The following CACNA2D1 variants were observed in gnomAD, a reference collection of about 807,000 sequenced individuals.
CACNA2D1 encodes the protein voltage-dependent calcium channel subunit alpha-2/delta-1.
A neutral mutation model predicts 171.5 loss-of-function variants in CACNA2D1; 53 were observed. The ratio of observed to expected loss-of-function variants is 0.31; its 90% CI spans 0.25 to 0.39. The LOEUF is 0.39. Ranked by LOEUF, CACNA2D1 falls within the 10% of genes least tolerant of loss-of-function variation. The pLI is 1.00. For missense variants in CACNA2D1, 903 were observed against 1,299.8 expected (o/e 0.69, Z 4.69); for synonymous variants, 442 against 443.1 (o/e 1.00, Z 0.03).
At chr7:82,117,010 G>T in intron 6 of CACNA2D1, 34 bp downstream of exon 6, 1 of 1,610,144 alleles carries the variant, frequency 6.2e-7, no homozygotes, top group Non-Finnish European at 8.5e-7. Context: ...CGAGAGCATG[G>T]TATTCCAACA....
chr7:81,960,346 G>C (rs1793958033), intron 36 of CACNA2D1, among the ~76,000 whole-genome samples: 1 of 151,948 alleles, frequency 6.6e-6, no homozygotes, highest in Non-Finnish European at 1.5e-5. Context: ...AGGGTATTGG[G>C]CACTTAAAAT....
At chr7:82,278,025 G>T (rs866599801) in intron 3 of CACNA2D1, among the ~76,000 whole-genome samples, 2 of 152,004 alleles carry the variant, frequency 1.3e-5, no homozygotes, top group Admixed American at 6.6e-5. Context: ...AGGAGTACAG[G>T]TGTGAGTCAC....
intron 4 of CACNA2D1, 133 bp downstream of exon 4, chr7:82,170,417 G>A: frequency 1.2e-6 from 1 of 823,166 alleles, no homozygotes; most frequent in Non-Finnish European, 2.0e-6. Flanking sequence ...TATTTAAAAA[G>A]CAACAAGTAT....
At chr7:82,029,502 T>C (rs568039049) in intron 12 of CACNA2D1, 2 of 151,934 alleles carry the variant, frequency 1.3e-5, no homozygotes, top group African/African-American at 4.8e-5. Flanking sequence ...AACTGTCTTA[T>C]TCTTCTCTTT....
chr7:82,131,380 A>G (rs564707824), intron 5 of CACNA2D1, among the ~76,000 whole-genome samples: 1 of 152,302 alleles, frequency 6.6e-6, no homozygotes, highest in African/African-American at 2.4e-5. Context: ...ATGTCCAGCT[A>G]TAACCAATCA....
At chr7:82,023,276 G>A (rs917546821) in intron 12 of CACNA2D1, among the ~76,000 whole-genome samples, 2 of 151,904 alleles carry the variant, frequency 1.3e-5, no homozygotes, top group Non-Finnish European at 2.9e-5. Context: ...GCTGTGTGAG[G>A]AGATTAACAT....
chr7:81,962,637 T>C, intron 34 of CACNA2D1, 142 bp from the exon 35 acceptor site: 1 of 654,882 alleles, frequency 1.5e-6, no homozygotes. Flanking sequence ...TTTTCAAAAT[T>C]ATATAACACA....
chr7:82,139,579 T>C (rs990578077), intron 4 of CACNA2D1, among the ~76,000 whole-genome samples: 20 of 152,284 alleles, frequency 1.3e-4, no homozygotes, highest in South Asian at 1.0e-3. Context: ...AAAACTGTCA[T>C]TGAAAAGGTG....
intron 1 of CACNA2D1, chr7:82,410,359 C>A: frequency 4.5e-6 from 1 of 221,442 alleles, no homozygotes; most frequent in Middle Eastern, 2.5e-3. Flanking sequence ...ATGAATCAAT[C>A]CATCATAGCG....
At chr7:82,393,279 A>G (rs1351115945) in intron 1 of CACNA2D1, among the ~76,000 whole-genome samples, 2 of 152,200 alleles carry the variant, frequency 1.3e-5, no homozygotes, top group Non-Finnish European at 2.9e-5. Flanking sequence ...AATGAATTTC[A>G]TCTTGCAATA....
At chr7:82,226,806 G>A (rs1385078035) in intron 3 of CACNA2D1, among the ~76,000 whole-genome samples, 1 of 152,036 alleles carries the variant, frequency 6.6e-6, no homozygotes, top group East Asian at 1.9e-4. Flanking sequence ...TTATATTTCT[G>A]TACTTTATTA....
At chr7:82,226,955 A>G (rs956819402) in intron 3 of CACNA2D1, among the ~76,000 whole-genome samples, 6 of 152,196 alleles carry the variant, frequency 3.9e-5, no homozygotes, top group African/African-American at 1.4e-4. Context: ...AAATATTAGA[A>G]TTCCTATTTG....
At chr7:82,146,380 T>TTATATTTATATATATAAAGATA (rs1337781786) in intron 4 of CACNA2D1, among the ~76,000 whole-genome samples, 6 of 131,140 alleles carry the variant, frequency 4.6e-5, no homozygotes, top group East Asian at 2.0e-4. Flanking sequence ...ATATACATAT[T>TTATATTTATATATATAAAGATA]TATATTTATA....
intron 10 of CACNA2D1, among the ~76,000 whole-genome samples, chr7:82,059,472 TGAG>T (rs1806337673): frequency 6.6e-6 from 1 of 151,626 alleles, no homozygotes; most frequent in South Asian, 2.1e-4. Context: ...CAAGATGAAA[TGAG>T]GATGATAATG....
intron 3 of CACNA2D1, among the ~76,000 whole-genome samples, chr7:82,240,740 G>A (rs574674556): frequency 2.4e-4 from 36 of 152,170 alleles, no homozygotes; most frequent in South Asian, 1.0e-3. Flanking sequence ...AGGACGAGGC[G>A]GGCGGATCAC....
intron 24 of CACNA2D1, 80 bp downstream of exon 24, chr7:81,982,482 CCAGAG>C (rs776888524): frequency 5.0e-6 from 4 of 793,572 alleles, no homozygotes; most frequent in Non-Finnish European, 9.2e-6. Context: ...TGGAACTAAC[CCAGAG>C]CAGTCTTGAC....
intron 2 of CACNA2D1, among the ~76,000 whole-genome samples, chr7:82,348,479 A>T (rs1819496735): frequency 6.6e-6 from 1 of 152,164 alleles, no homozygotes; most frequent in Non-Finnish European, 1.5e-5. Flanking sequence ...CGTGCTCAAC[A>T]TAATACACTG....
At chr7:82,073,800 C>CA (rs1479475063) in intron 7 of CACNA2D1, among the ~76,000 whole-genome samples, 1 of 152,024 alleles carries the variant, frequency 6.6e-6, no homozygotes, top group African/African-American at 2.4e-5. Context: ...GGGGTTTCAT[C>CA]ATGTTGACCA....
intron 12 of CACNA2D1, among the ~76,000 whole-genome samples, chr7:82,025,219 T>C (rs116989888): frequency 2.0e-5 from 3 of 151,824 alleles, no homozygotes; most frequent in Non-Finnish European, 3.0e-5. Flanking sequence ...AGTGAAACTG[T>C]AGATCACTTT....
Sources: allele counts gnomAD v4.1 joint callset (sites outside exome capture counted in the v4.1 genomes callset), GRCh38; gene constraint gnomAD v4.1.1; transcripts MANE v1.5; gene names NCBI Gene and HGNC (gene_info 2026-07-23, HGNC 2026-07-21).